The following FAT3 variants were observed in gnomAD, a reference collection of about 807,000 sequenced individuals.
FAT3 encodes the protein FAT atypical cadherin 3.
FAT3 carries 95 observed loss-of-function variants against 310.2 expected under a neutral mutation model. That is an observed-to-expected ratio of 0.31 (90% confidence interval 0.26 to 0.36). The LOEUF (loss-of-function observed/expected upper bound fraction) is 0.36, where lower values mean the gene tolerates loss of function less well. Ranked by LOEUF, FAT3 falls within the 10% of genes least tolerant of loss-of-function variation. The pLI is 1.00. For synonymous variants in FAT3, 2,314 were observed against 2,192.9 expected, an observed-to-expected ratio of 1.06 and a Z score of -1.54; for missense variants, 5,408 against 5,715.6, an observed-to-expected ratio of 0.95 and a Z score of 1.74.
At position 92,857,973 on chromosome 11, in the gene FAT3, C is replaced by T. The variant is rs1327154313; in HGVS notation, c.11500+625C>T. Among the ~76,000 whole-genome samples, 3 of 152,168 alleles carry T rather than the reference C, an allele frequency of 2.0e-5. 1 individual carries two copies. Among genetic ancestry groups the T allele is most frequent in the Non-Finnish European group, 4.4e-5 (3 of 68,036 alleles). ...CTATACTTCATTTGATTCATATATT[C>T]TCTGCCACTTCTTTACTCAGAAAAG... On this transcript the variant is annotated intron_variant, in intron 20 of 27. Coordinates refer to ENST00000525166, the MANE Select transcript of FAT3 (RefSeq NM_001367949.2).
intron 1 of FAT3, among the ~76,000 whole-genome samples, chr11:92,268,170 A>G (rs1479066291): frequency 6.6e-6 from 1 of 152,116 alleles, no homozygotes; most frequent in Non-Finnish European, 1.5e-5. Flanking sequence ...CTTAGCCCTG[A>G]CAGATAGCTA....
At chr11:92,793,038 A>G in intron 9 of FAT3, 61 bp downstream of exon 9, 1 of 1,506,422 alleles carries the variant, frequency 6.6e-7, no homozygotes, top group Non-Finnish European at 9.1e-7. Flanking sequence ...CCTCAGTAGT[A>G]TTTATCACCA....
intron 18 of FAT3, among the ~76,000 whole-genome samples, chr11:92,841,526 A>G (rs1178347186): frequency 1.3e-5 from 2 of 152,188 alleles, no homozygotes. Context: ...AAACCTTCTA[A>G]ATTAATGACT....
chr11:92,568,060 C>A (rs1480165762), intron 3 of FAT3, among the ~76,000 whole-genome samples: 3 of 151,872 alleles, frequency 2.0e-5, no homozygotes, highest in East Asian at 1.9e-4. Context: ...AAAAAAAATT[C>A]ATGCCATTCA....
intron 3 of FAT3, among the ~76,000 whole-genome samples, chr11:92,572,447 G>A (rs1938221624): frequency 1.3e-5 from 2 of 152,234 alleles, no homozygotes; most frequent in East Asian, 3.9e-4. Flanking sequence ...CACACTAAAT[G>A]TCAAGGGATG....
intron 1 of FAT3, among the ~76,000 whole-genome samples, chr11:92,252,725 A>T (rs1357916771): frequency 1.3e-5 from 2 of 152,080 alleles, no homozygotes; most frequent in African/African-American, 4.8e-5. Flanking sequence ...ATAGTTCTCT[A>T]TGCTGGCTGT....
At chr11:92,229,538 T>A (rs1864082357) in intron 1 of FAT3, among the ~76,000 whole-genome samples, 1 of 135,412 alleles carries the variant, frequency 7.4e-6, no homozygotes, top group African/African-American at 2.7e-5. Context: ...TGCCTCCCTT[T>A]CTCCAAATTT....
chr11:92,285,925 G>T (rs1946551722), intron 1 of FAT3, among the ~76,000 whole-genome samples: 1 of 152,104 alleles, frequency 6.6e-6, no homozygotes, highest in Admixed American at 6.6e-5. Context: ...TCTCCTCCAG[G>T]ACGTGGGGTG....
Position 92,831,974 on chromosome 11 carries a change from G to A in FAT3, c.9834G>A (p.Gly3278=), listed in dbSNP as rs539376361. The A allele has an allele frequency of 1.4e-5, 22 of 1,560,794 alleles. No individual in the cohort carries two copies. The East Asian group carries it at 2.4e-4, about 17-fold the overall frequency. The change falls in exon 14 of 28, where the codon GGG becomes GGA. Residue 3278 remains glycine (G), a synonymous_variant. Transcript: ENST00000525166. Reference sequence around the variant, plus strand: ...AGATCACTTATCTCATCCGGTCTGGGAACGAACAAGGGAAATTTAAGATCA... The same window carrying A: ...AGATCACTTATCTCATCCGGTCTGGAAACGAACAAGGGAAATTTAAGATCA... The part of the protein sequence containing the change: ...NAEITYLIRS[G]NEQGKFKINP...
chr11:92,647,349 T>C (rs922579461), intron 3 of FAT3, among the ~76,000 whole-genome samples: 28 of 152,078 alleles, frequency 1.8e-4, no homozygotes, highest in African/African-American at 6.5e-4. Context: ...AACAGAACAT[T>C]TGAGGAATGG....
At chr11:92,419,082 G>T (rs768682139) in intron 2 of FAT3, among the ~76,000 whole-genome samples, 7 of 152,104 alleles carry the variant, frequency 4.6e-5, no homozygotes, top group Non-Finnish European at 1.0e-4. Context: ...TACATTCCCT[G>T]AGTGAAAGCT....
At chr11:92,278,392 A>C (rs1286629065) in intron 1 of FAT3, among the ~76,000 whole-genome samples, 1 of 152,046 alleles carries the variant, frequency 6.6e-6, no homozygotes, top group Non-Finnish European at 1.5e-5. Flanking sequence ...TCGCCATGGT[A>C]GTTATTTTTA....
intron 3 of FAT3, among the ~76,000 whole-genome samples, chr11:92,620,043 A>T (rs1047543517): frequency 1.3e-5 from 2 of 152,074 alleles, no homozygotes; most frequent in African/African-American, 2.4e-5. Flanking sequence ...CATCTATGTT[A>T]TGCTTTTATT....
intron 3 of FAT3, among the ~76,000 whole-genome samples, chr11:92,665,679 G>A (rs1392735989): frequency 6.6e-6 from 1 of 152,106 alleles, no homozygotes; most frequent in African/African-American, 2.4e-5. Context: ...TCCAAACTCT[G>A]GGAGGAAAAT....
intron 1 of FAT3, among the ~76,000 whole-genome samples, chr11:92,258,906 A>T (rs947185364): frequency 4.0e-5 from 6 of 151,506 alleles, no homozygotes; most frequent in Non-Finnish European, 5.9e-5. Flanking sequence ...CCACTGATTC[A>T]GAGTGGGATG....
At chr11:92,603,075 T>C (rs1032290510) in intron 3 of FAT3, among the ~76,000 whole-genome samples, 1 of 152,216 alleles carries the variant, frequency 6.6e-6, no homozygotes, top group Non-Finnish European at 1.5e-5. Context: ...ACCCAAACTT[T>C]ACTAATCAGA....
At chr11:92,565,453 G>C (rs1955396158) in intron 3 of FAT3, among the ~76,000 whole-genome samples, 1 of 139,974 alleles carries the variant, frequency 7.1e-6, no homozygotes, top group African/African-American at 2.6e-5. Context: ...AATTCTACCA[G>C]AGGTACAAGG....
intron 1 of FAT3, among the ~76,000 whole-genome samples, chr11:92,331,755 G>A (rs1036400764): frequency 2.6e-5 from 4 of 152,166 alleles, no homozygotes; most frequent in African/African-American, 9.7e-5. Flanking sequence ...TCTGGCCTAT[G>A]TTCTTGATAC....
At chr11:92,708,964 A>T (rs920099040) in intron 4 of FAT3, among the ~76,000 whole-genome samples, 4 of 152,204 alleles carry the variant, frequency 2.6e-5, no homozygotes, top group African/African-American at 7.2e-5. Context: ...CTACTATTGG[A>T]TCCACAGTCT....
Sources: allele counts gnomAD v4.1 joint callset (sites outside exome capture counted in the v4.1 genomes callset), GRCh38; gene constraint gnomAD v4.1.1; transcripts MANE v1.5; gene names NCBI Gene and HGNC (gene_info 2026-07-23, HGNC 2026-07-21).